TMEM217: variants seen among roughly 807,000 people sequenced by gnomAD.
TMEM217 encodes transmembrane protein 217.
For synonymous variants in TMEM217, 76 were observed against 88.3 expected, an observed-to-expected ratio of 0.86 and a Z score of 0.78; for missense variants, 204 against 248.8, an observed-to-expected ratio of 0.82 and a Z score of 1.21.
chr6:37,217,079 A>C (rs939254732), downstream of TMEM217, among the ~76,000 whole-genome samples: 9 of 152,244 alleles, frequency 5.9e-5, no homozygotes, highest in Non-Finnish European at 2.9e-5. Flanking sequence ...GGATCACCTA[A>C]GGTCAGGAAT....
chr6:37,218,251 C>T, exon 2 of TMEM217: 1 of 1,279,446 alleles, frequency 7.8e-7, no homozygotes, highest in East Asian at 2.8e-5. Context: ...CTCACTGCAA[C>T]CTCCACCTCC....
chr6:37,226,706 C>T (rs530603579), intron 1 of TMEM217, among the ~76,000 whole-genome samples: 12 of 152,164 alleles, frequency 7.9e-5, no homozygotes, highest in African/African-American at 2.4e-4. Flanking sequence ...GGATTACAGG[C>T]GCGTGCAACC....
At chr6:37,216,043 TAGAC>T (rs1292857286), downstream of TMEM217, among the ~76,000 whole-genome samples, 23 of 150,390 alleles carry the variant, frequency 1.5e-4, no homozygotes, top group Middle Eastern at 3.4e-3. Flanking sequence ...GAGAAACAGA[TAGAC>T]AGACAGACAT....
At chr6:37,238,931 G>A (rs1224227682) in intron 1 of TMEM217, among the ~76,000 whole-genome samples, 1 of 152,094 alleles carries the variant, frequency 6.6e-6, no homozygotes, top group Non-Finnish European at 1.5e-5. Context: ...AGGAGTTCAA[G>A]ACCAGCCAGC....
Position 37,251,567 on chromosome 6 carries a change from A to G in TMEM217, c.-12+6001T>C, listed in dbSNP as rs201578488. On this transcript the variant is annotated intron_variant, in intron 1 of 1. Coordinates refer to ENST00000357219, the Ensembl canonical transcript of TMEM217. ...GAGTGAAAAAGCCAGTTGCTGAAGC[A>G]TATGTACAGTATGATGTTATTTATA... Among the ~76,000 whole-genome samples the G allele has an allele frequency of 5.9e-5, 9 of 152,370 alleles. No homozygotes were observed. In the East Asian group the frequency reaches 1.5e-3, roughly 26 times the overall value.
chr6:37,254,879 A>G (rs567193469), intron 1 of TMEM217, among the ~76,000 whole-genome samples: 1 of 152,256 alleles, frequency 6.6e-6, no homozygotes, highest in African/African-American at 2.4e-5. Context: ...GAGGGGGGTT[A>G]AAGGATGAAA....
At chr6:37,226,868 A>T (rs1763873405) in intron 1 of TMEM217, among the ~76,000 whole-genome samples, 1 of 152,244 alleles carries the variant, frequency 6.6e-6, no homozygotes, top group Non-Finnish European at 1.5e-5. Flanking sequence ...ACCCAGCCCA[A>T]GATCACCATT....
In TMEM217 at chr6:37,228,998, A is replaced by G. The variant is rs1425206935; in HGVS notation, c.-11-9957T>C. Among the ~76,000 whole-genome samples, 3 of 151,574 alleles carry G rather than the reference A, an allele frequency of 2.0e-5. No individual in the cohort carries two copies. In the East Asian group the frequency reaches 5.8e-4, roughly 29 times the overall value. On this transcript the variant is annotated intron_variant, in intron 1 of 1. Coordinates refer to ENST00000357219, the Ensembl canonical transcript of TMEM217. ...GGTGACAGAGAGAGACTCCGTCTCA[A>G]AAAAAAAACAAAAAACAAAATAACA...
At chr6:37,230,387 C>T (rs1764131025) in intron 1 of TMEM217, among the ~76,000 whole-genome samples, 1 of 152,152 alleles carries the variant, frequency 6.6e-6, no homozygotes, top group Non-Finnish European at 1.5e-5. Flanking sequence ...GAATTGTGCC[C>T]CTCGTCACCA....
intron 1 of TMEM217, among the ~76,000 whole-genome samples, chr6:37,256,505 C>A (rs747433584): frequency 1.3e-5 from 2 of 151,830 alleles, no homozygotes; most frequent in Non-Finnish European, 2.9e-5. Flanking sequence ...GGTTAAATGC[C>A]CATAAAGAAG....
At chr6:37,246,991 T>A (rs1158670950) in intron 1 of TMEM217, among the ~76,000 whole-genome samples, 2 of 152,148 alleles carry the variant, frequency 1.3e-5, no homozygotes, top group African/African-American at 4.8e-5. Context: ...GAGTTTGGAT[T>A]TCATTCTAAG....
intron 1 of TMEM217, among the ~76,000 whole-genome samples, chr6:37,245,437 A>G (rs1323529837): frequency 6.6e-6 from 1 of 152,258 alleles, no homozygotes; most frequent in Non-Finnish European, 1.5e-5. Context: ...GCTTCTTTGC[A>G]TCACAAACTC....
chr6:37,222,452 G>C (rs1028059718), intron 1 of TMEM217, among the ~76,000 whole-genome samples: 11 of 152,216 alleles, frequency 7.2e-5, no homozygotes, highest in African/African-American at 2.4e-4. Flanking sequence ...GGGCCTCCTG[G>C]GGTCCCCGAG....
chr6:37,221,263 T>C (rs1387457467), intron 1 of TMEM217, among the ~76,000 whole-genome samples: 1 of 149,754 alleles, frequency 6.7e-6, no homozygotes, highest in Admixed American at 6.7e-5. Context: ...CTCAGCTCAC[T>C]GTAACCTCCA....
downstream of TMEM217, chr6:37,212,864 C>T: frequency 7.1e-7 from 1 of 1,402,886 alleles, no homozygotes; most frequent in Non-Finnish European, 9.9e-7. Flanking sequence ...CTGAACTTGG[C>T]CTCATAGCAA....
At chr6:37,252,823 A>G (rs1455841825) in intron 1 of TMEM217, among the ~76,000 whole-genome samples, 2 of 151,468 alleles carry the variant, frequency 1.3e-5, no homozygotes, top group African/African-American at 2.4e-5. Context: ...TATTTTTGAT[A>G]GAGATGGGGT....
At chr6:37,249,239 T>C (rs1325833485) in intron 1 of TMEM217, among the ~76,000 whole-genome samples, 3 of 152,232 alleles carry the variant, frequency 2.0e-5, no homozygotes, top group African/African-American at 7.2e-5. Context: ...CATTTGTAGA[T>C]TTTGAATTTG....
intron 1 of TMEM217, among the ~76,000 whole-genome samples, chr6:37,226,047 C>A (rs1353168519): frequency 1.3e-5 from 2 of 152,132 alleles, no homozygotes; most frequent in Non-Finnish European, 2.9e-5. Flanking sequence ...CATTATACTA[C>A]CTAAACTTCT....
At chr6:37,218,547 T>C in exon 2 of TMEM217, 1 of 1,614,210 alleles carries the variant, frequency 6.2e-7, no homozygotes, top group Non-Finnish European at 8.5e-7. Flanking sequence ...TAGGAAATTA[T>C]ATTGCCCTGG....
Sources: allele counts gnomAD v4.1 joint callset (sites outside exome capture counted in the v4.1 genomes callset), GRCh38; gene constraint gnomAD v4.1.1; transcripts MANE v1.5; gene names NCBI Gene and HGNC (gene_info 2026-07-23, HGNC 2026-07-21).